LMNB1: variants seen among roughly 807,000 people sequenced by gnomAD.
The protein encoded by LMNB1 is lamin-B1.
A neutral mutation model predicts 67.1 loss-of-function variants in LMNB1; 23 were observed. That is an observed-to-expected ratio of 0.34 (90% confidence interval 0.25 to 0.49). The LOEUF (loss-of-function observed/expected upper bound fraction) is 0.49, where lower values mean the gene tolerates loss of function less well. LMNB1 is among the 20% of genes least tolerant of loss of function. LMNB1 has a pLI of 0.99. For missense variants in LMNB1, 634 were observed against 746.5 expected (o/e 0.85, Z 1.76); for synonymous variants, 281 against 282.9 (o/e 0.99, Z 0.07).
At chr5:126,800,711 G>T (rs1358813499) in intron 1 of LMNB1, among the ~76,000 whole-genome samples, 1 of 128,890 alleles carries the variant, frequency 7.8e-6, no homozygotes, top group Non-Finnish European at 1.6e-5. Flanking sequence ...GGAGTGCAAT[G>T]GCACAATCTT....
rs1751477615 is a variant in LMNB1, at chr5:126,807,573, CAT to C, written c.642+1881_642+1882del. Among the ~76,000 whole-genome samples, 4 of 152,266 alleles carry C rather than the reference CAT, an allele frequency of 2.6e-5. No homozygotes were observed. In the South Asian group the frequency reaches 8.3e-4, roughly 32 times the overall value. On this transcript the variant is annotated intron_variant, in intron 3 of 10. Coordinates refer to ENST00000261366, the MANE Select transcript of LMNB1 (RefSeq NM_005573.4). Reference sequence around the variant, plus strand: ...CTTTGGATACTGTAGCAAGTGCTGTCATATAATTGTTACTAAGTGTTGCTTTG... The same window carrying C: ...CTTTGGATACTGTAGCAAGTGCTGTCATAATTGTTACTAAGTGTTGCTTTG...
rs77703347 is a variant in LMNB1 at position 126,778,692 on chromosome 5, C to T, written c.359+825C>T. ...GTTCTTAGAATTGCGGTTCTCCTAC[C>T]CCTCAGGCAGCGGCCCTCTGTCCCC... On this transcript the variant is annotated intron_variant, in intron 1 of 10. Coordinates refer to ENST00000261366, the MANE Select transcript of LMNB1 (RefSeq NM_005573.4). Among the ~76,000 whole-genome samples the T allele has an allele frequency of 3.7e-3, 558 of 152,228 alleles. 10 individuals carry two copies. In the East Asian group the frequency reaches 0.069, roughly 19 times the overall value.
intron 4 of LMNB1, among the ~76,000 whole-genome samples, chr5:126,810,985 G>T (rs1259137189): frequency 6.6e-6 from 1 of 152,188 alleles, no homozygotes. Flanking sequence ...TGATTAAAAA[G>T]ACTTTTTTGT....
chr5:126,815,423 G>A (rs1328467204), intron 5 of LMNB1, among the ~76,000 whole-genome samples: 1 of 152,166 alleles, frequency 6.6e-6, no homozygotes, highest in African/African-American at 2.4e-5. Flanking sequence ...GAATTGGTTG[G>A]TTAGAGTCTG....
chr5:126,786,896 T>C (rs1750800997), intron 1 of LMNB1, among the ~76,000 whole-genome samples: 1 of 152,218 alleles, frequency 6.6e-6, no homozygotes, highest in African/African-American at 2.4e-5. Flanking sequence ...AGAGATCGCT[T>C]TTATCTTTTT....
chr5:126,830,568 C>T (rs570601415), intron 9 of LMNB1, among the ~76,000 whole-genome samples: 70 of 152,246 alleles, frequency 4.6e-4, no homozygotes, highest in Non-Finnish European at 8.1e-4. Flanking sequence ...TGCTTAACAG[C>T]AGGGTTACAC....
intron 1 of LMNB1, among the ~76,000 whole-genome samples, chr5:126,792,200 C>T (rs1390635542): frequency 6.8e-6 from 1 of 146,918 alleles, no homozygotes; most frequent in Non-Finnish European, 1.5e-5. Flanking sequence ...TGGAGTACAG[C>T]GGCATGATCC....
chr5:126,797,028 A>T (rs1209542294), intron 1 of LMNB1, among the ~76,000 whole-genome samples: 4 of 152,094 alleles, frequency 2.6e-5, no homozygotes, highest in Non-Finnish European at 4.4e-5. Flanking sequence ...GCCTCATATG[A>T]TCCACCCGCT....
intron 1 of LMNB1, among the ~76,000 whole-genome samples, chr5:126,781,029 A>C (rs939804222): frequency 6.6e-6 from 1 of 152,154 alleles, no homozygotes. Context: ...ACGGTGGCTC[A>C]CACCTGTAAA....
Position 126,836,552 on chromosome 5 carries a change from CTTTTT to C in LMNB1, c.*293_*297del. On this transcript the variant is annotated 3_prime_UTR_variant, in exon 11 of 11. Coordinates refer to ENST00000261366, the MANE Select transcript of LMNB1 (RefSeq NM_005573.4). ...GACTTTTTTTGTATGTGTGTTTTTT[CTTTTT>C]TTTTAAGTTCTTATGAGGAGGGGAG... 2.9e-6 allele frequency: 1 copy of C among 342,040 alleles called. No homozygotes were observed. The highest frequency in any genetic ancestry group is 2.1e-5 in the African/African-American group (1 of 46,804). 21.2% of individuals were successfully genotyped at this position (342,040 alleles called of 1,614,324 possible).
intron 1 of LMNB1, among the ~76,000 whole-genome samples, chr5:126,800,975 A>AGTTTTT (rs1561742516): frequency 2.6e-5 from 1 of 38,512 alleles, no homozygotes; most frequent in African/African-American, 7.0e-5. Context: ...ATATATATAT[A>AGTTTTT]TATATAATTT....
intron 1 of LMNB1, among the ~76,000 whole-genome samples, chr5:126,800,601 T>C (rs997529344): frequency 6.6e-6 from 1 of 150,504 alleles, no homozygotes; most frequent in Admixed American, 6.7e-5. Flanking sequence ...CTAGGACTGT[T>C]GGGATGGGGC....
chr5:126,802,811 A>T (rs1751318453), intron 1 of LMNB1, among the ~76,000 whole-genome samples: 2 of 152,166 alleles, frequency 1.3e-5, no homozygotes, highest in Non-Finnish European at 2.9e-5. Context: ...AGAAATACTG[A>T]CCTTTAAAAT....
chr5:126,790,989 C>G (rs1580529363), intron 1 of LMNB1, among the ~76,000 whole-genome samples: 1 of 151,766 alleles, frequency 6.6e-6, no homozygotes, highest in East Asian at 1.9e-4. Flanking sequence ...CCATTGCACT[C>G]CAGCCTGAGC....
chr5:126,777,913 G>A (rs958741242), intron 1 of LMNB1, 46 bp downstream of exon 1: 69 of 1,379,666 alleles, frequency 5.0e-5, no homozygotes, highest in Non-Finnish European at 6.1e-5. Flanking sequence ...AGGGGCGGGG[G>A]CGCAACCGCG....
intron 6 of LMNB1, among the ~76,000 whole-genome samples, chr5:126,819,770 G>C (rs1191124820): frequency 6.6e-6 from 1 of 152,122 alleles, no homozygotes; most frequent in African/African-American, 2.4e-5. Context: ...TTACAGGTGT[G>C]AGCCACCACG....
intron 9 of LMNB1, among the ~76,000 whole-genome samples, chr5:126,826,960 G>A (rs960558960): frequency 6.6e-6 from 1 of 152,148 alleles, no homozygotes; most frequent in African/African-American, 2.4e-5. Context: ...TGCCTACCAG[G>A]AGAGCTGTAA....
chr5:126,836,627 C>A lies in LMNB1; in HGVS notation c.*363C>A. ...GTCTTGGTGTAATTTGAAGATTGCCCCATCTAGACTAGCAATCTCTTCATT... is the reference window on the plus strand; with the variant it reads ...GTCTTGGTGTAATTTGAAGATTGCCACATCTAGACTAGCAATCTCTTCATT... On this transcript the variant is annotated 3_prime_UTR_variant, in exon 11 of 11. Transcript: ENST00000261366. 1 of 357,034 alleles carries A rather than the reference C, an allele frequency of 2.8e-6. No individual in the cohort carries two copies. Among genetic ancestry groups the A allele is most frequent in the Admixed American group, 4.6e-5 (1 of 21,516 alleles). The allele number at this position is 357,034 out of a possible 1,614,324, so 22.1% of individuals were successfully genotyped here. A position where few individuals can be genotyped will look rare whatever the true frequency, so the allele number is the denominator to read the frequency against.
intron 1 of LMNB1, among the ~76,000 whole-genome samples, chr5:126,778,591 C>T (rs1561730885): frequency 6.6e-6 from 1 of 152,134 alleles, no homozygotes; most frequent in Non-Finnish European, 1.5e-5. Flanking sequence ...GTGTCCTGTC[C>T]CAGCGGGGAT....
Sources: allele counts gnomAD v4.1 joint callset (sites outside exome capture counted in the v4.1 genomes callset), GRCh38; gene constraint gnomAD v4.1.1; transcripts MANE v1.5; gene names NCBI Gene and HGNC (gene_info 2026-07-23, HGNC 2026-07-21).